Variants in DTD1 observed in about 807,000 individuals in gnomAD.
DTD1 encodes D-tyrosyl-tRNA deacylase 1 homolog.
DTD1 carries 13 observed loss-of-function variants against 25.6 expected under a neutral mutation model. The ratio of observed to expected loss-of-function variants is 0.51; its 90% CI spans 0.33 to 0.81. DTD1 has a LOEUF of 0.81. Ranked by LOEUF, DTD1 falls within the 30% of genes least tolerant of loss-of-function variation. The pLI is 0.02. For synonymous variants in DTD1, 110 were observed against 103.6 expected, an observed-to-expected ratio of 1.06 and a Z score of -0.37; for missense variants, 193 against 266.4, an observed-to-expected ratio of 0.72 and a Z score of 1.92.
chr20:18,628,216 A>T lies in DTD1; in HGVS notation c.460A>T (p.Thr154Ser). The T allele has an allele frequency of 6.2e-7, 1 of 1,613,376 alleles. No individual in the cohort carries two copies. The highest frequency in any genetic ancestry group is 1.1e-5 in the South Asian group (1 of 90,986). ...GGAATCGCCAGCTCCCGGCACTGCT[A>T]CCTCTGACCCAAAGCAGGTAAGCCT... is the stretch of plus-strand genomic sequence containing the variant. ...ELESPAPGTATSDPKQLSKLE... is the reference protein window; with the variant it reads ...ELESPAPGTASSDPKQLSKLE... Residue 154 changes from threonine (T) to serine (S), a missense_variant, in exon 4 of 6, where the codon ACC becomes TCC. Physicochemically the swap from Thr to Ser is moderately conservative, Grantham distance 58 (BLOSUM62 1). Transcript: ENST00000377452.
At chr20:18,744,388 C>G (rs996547607) in intron 5 of DTD1, 117 bp downstream of exon 5, 1 of 1,107,500 alleles carries the variant, frequency 9.0e-7, no homozygotes, top group African/African-American at 1.6e-5. Flanking sequence ...CCATAGCTTC[C>G]TTAAATCTGC....
intron 4 of DTD1, among the ~76,000 whole-genome samples, chr20:18,716,894 T>TC (rs2061183209): frequency 6.6e-6 from 1 of 152,184 alleles, no homozygotes; most frequent in Non-Finnish European, 1.5e-5. Context: ...TCATGAATTT[T>TC]CTTTTTTTTT....
At chr20:18,714,281 T>G (rs73268428) in intron 4 of DTD1, among the ~76,000 whole-genome samples, 3,951 of 152,336 alleles carry the variant, frequency 0.026, 181 homozygotes, top group African/African-American at 0.091. Flanking sequence ...GTTTTCCCAT[T>G]CCCAACCACT....
chr20:18,663,176 G>A (rs773935718), intron 4 of DTD1, among the ~76,000 whole-genome samples: 1 of 152,014 alleles, frequency 6.6e-6, no homozygotes, highest in Non-Finnish European at 1.5e-5. Context: ...GCCCTAATAG[G>A]GCTGGCAACC....
intron 5 of DTD1, among the ~76,000 whole-genome samples, chr20:18,750,920 C>A: frequency 6.6e-6 from 1 of 152,218 alleles, no homozygotes; most frequent in African/African-American, 2.4e-5. Flanking sequence ...CCCCACATTT[C>A]TGTCCTCAAA....
At chr20:18,727,732 G>A (rs758170667) in intron 4 of DTD1, among the ~76,000 whole-genome samples, 1 of 152,188 alleles carries the variant, frequency 6.6e-6, no homozygotes, top group South Asian at 2.1e-4. Context: ...GGCATTCCAT[G>A]TAAAGGAGGG....
Position 18,632,202 on chromosome 20 carries a change from C to T in DTD1, c.477+3969C>T, listed in dbSNP as rs1310745283. The T allele has an allele frequency of 3.0e-6, 3 of 985,446 alleles. No homozygotes were observed. In the African/African-American group the frequency reaches 5.2e-5, roughly 17 times the overall value. The allele number at this position is 985,446 out of a possible 1,614,324, so 61.0% of individuals were successfully genotyped here. On this transcript the variant is annotated intron_variant, in intron 4 of 5. Transcript: ENST00000377452. The stretch of plus-strand genomic sequence containing the variant: ...AATCCTCAAGTAGGCATTTTTTAAA[C>T]TTCTAACGAGCCATGTTAACTTATA...
chr20:18,750,372 C>A (rs1398593774), intron 5 of DTD1, among the ~76,000 whole-genome samples: 2 of 152,148 alleles, frequency 1.3e-5, no homozygotes, highest in African/African-American at 4.8e-5. Context: ...AACAGCAGCC[C>A]CCTCACTATG....
At chr20:18,588,795 C>G (rs2060576803) in intron 1 of DTD1, 1 of 985,148 alleles carries the variant, frequency 1.0e-6, no homozygotes. Context: ...TACCCGACCC[C>G]TGGTCATCAC....
intron 3 of DTD1, among the ~76,000 whole-genome samples, chr20:18,601,496 C>A (rs1427533874): frequency 3.4e-5 from 3 of 88,356 alleles, no homozygotes; most frequent in African/African-American, 1.3e-4. Flanking sequence ...GGGACTCTGT[C>A]TCAAAAAAAA....
intron 3 of DTD1, among the ~76,000 whole-genome samples, chr20:18,617,093 C>G (rs1259108409): frequency 1.3e-5 from 2 of 152,078 alleles, no homozygotes; most frequent in Non-Finnish European, 2.9e-5. Context: ...AGGATCAGCT[C>G]TTTCTCCTTA....
intron 4 of DTD1, among the ~76,000 whole-genome samples, chr20:18,686,733 A>G (rs2061018599): frequency 6.6e-6 from 1 of 150,996 alleles, no homozygotes; most frequent in Admixed American, 6.6e-5. Context: ...GCTGGTTTTT[A>G]TCTTTTCAAT....
rs539177400 is a variant in DTD1, at chr20:18,711,590, G to C, written c.478-32510G>C. On this transcript the variant is annotated intron_variant, in intron 4 of 5. Transcript: ENST00000377452. ...TGTTGGCCCATCTGGGACAGAAGCA[G>C]AAGTGTCAGGACAGTGTTTTTAAAA... Among the ~76,000 whole-genome samples the C allele has an allele frequency of 5.9e-5, 9 of 152,208 alleles. No homozygotes were observed. In the South Asian group the frequency reaches 1.7e-3, roughly 28 times the overall value.
chr20:18,640,093 C>T (rs1417740903), intron 4 of DTD1, among the ~76,000 whole-genome samples: 3 of 148,482 alleles, frequency 2.0e-5, no homozygotes, highest in Non-Finnish European at 4.5e-5. Flanking sequence ...CTTTGCCCCC[C>T]TTCATTTTCT....
chr20:18,633,659 G>A (rs2060796774), intron 4 of DTD1, among the ~76,000 whole-genome samples: 1 of 152,190 alleles, frequency 6.6e-6, no homozygotes, highest in Non-Finnish European at 1.5e-5. Flanking sequence ...GCCTCCCAGG[G>A]GACCGGAGGT....
At chr20:18,716,384 A>G (rs2061180689) in intron 4 of DTD1, among the ~76,000 whole-genome samples, 2 of 152,214 alleles carry the variant, frequency 1.3e-5, no homozygotes, top group South Asian at 2.1e-4. Context: ...GGGAAGCAGC[A>G]TCATGTCACA....
intron 4 of DTD1, chr20:18,632,108 CTA>C: frequency 1.1e-6 from 1 of 950,536 alleles, no homozygotes; most frequent in East Asian, 1.2e-4. Context: ...AATCACTTCA[CTA>C]TGTGTATGTA....
At chr20:18,712,067 G>A (rs1376325258) in intron 4 of DTD1, among the ~76,000 whole-genome samples, 3 of 127,972 alleles carry the variant, frequency 2.3e-5, no homozygotes, top group Admixed American at 7.6e-5. Context: ...GGGAGACTCC[G>A]TCTCAAAAAA....
intron 4 of DTD1, among the ~76,000 whole-genome samples, chr20:18,733,772 TA>T (rs1421847499): frequency 6.6e-6 from 1 of 152,096 alleles, no homozygotes; most frequent in East Asian, 1.9e-4. Context: ...TTTGCTTGAT[TA>T]AAAAAAATTC....
Sources: gnomAD v4.1 joint callset for allele counts (sites outside exome capture counted in the v4.1 genomes callset) on GRCh38, gnomAD v4.1.1 for gene constraint, MANE v1.5 for transcripts, NCBI Gene and HGNC (gene_info 2026-07-23, HGNC 2026-07-21) for gene names.